SIDT1: variants seen among roughly 807,000 people sequenced by gnomAD.
The protein encoded by SIDT1 is SID1 transmembrane family, member 1.
A neutral mutation model predicts 107.5 loss-of-function variants in SIDT1; 101 were observed. That is an observed-to-expected ratio of 0.94 (90% CI 0.80 to 1.11). The LOEUF is 1.11. Ranked by LOEUF, SIDT1 falls within the 50% of genes least tolerant of loss-of-function variation. The probability of loss-of-function intolerance (pLI) is 0.00; values close to 1 mark genes in which losing one functional copy is unlikely to be tolerated. For synonymous variants in SIDT1, 395 were observed against 398.2 expected, an observed-to-expected ratio of 0.99 and a Z score of 0.10; for missense variants, 1,076 against 1,058.2, an observed-to-expected ratio of 1.02 and a Z score of -0.23.
chr3:113,630,146 T>A (rs1190100366), downstream of SIDT1, among the ~76,000 whole-genome samples: 1 of 152,054 alleles, frequency 6.6e-6, no homozygotes, highest in Non-Finnish European at 1.5e-5. Flanking sequence ...GAAAGCCGGG[T>A]TCAACAGGAG....
chr3:113,578,856 G>GA (rs200619941), intron 4 of SIDT1, among the ~76,000 whole-genome samples: 2,186 of 150,960 alleles, frequency 0.014, 51 homozygotes, highest in African/African-American at 0.05. Context: ...CCCTATCTCT[G>GA]AAAAAAAAAT....
intron 1 of SIDT1, among the ~76,000 whole-genome samples, chr3:113,539,871 G>A (rs1244569474): frequency 6.6e-6 from 1 of 152,096 alleles, no homozygotes; most frequent in Non-Finnish European, 1.5e-5. Flanking sequence ...GGATGTGGTG[G>A]CCCATGCCTG....
intron 9 of SIDT1, among the ~76,000 whole-genome samples, chr3:113,587,661 T>G (rs1429760787): frequency 6.6e-6 from 1 of 152,248 alleles, no homozygotes; most frequent in East Asian, 1.9e-4. Flanking sequence ...TTATCTCATC[T>G]GATGCCCCTC....
chr3:113,605,003 A>C, intron 14 of SIDT1, 27 bp downstream of exon 14: 3 of 1,612,872 alleles, frequency 1.9e-6, no homozygotes, highest in Non-Finnish European at 2.5e-6. Flanking sequence ...CCCCAGCCCC[A>C]GAGTCCCAGC....
At chr3:113,563,440 C>T (rs1219396769) in intron 1 of SIDT1, among the ~76,000 whole-genome samples, 1 of 152,176 alleles carries the variant, frequency 6.6e-6, no homozygotes, top group Non-Finnish European at 1.5e-5. Context: ...GACTATGACT[C>T]AAAATTCAGG....
intron 19 of SIDT1, 106 bp downstream of exon 19, chr3:113,612,300 C>T (rs912418087): frequency 2.5e-6 from 2 of 801,490 alleles, no homozygotes; most frequent in Non-Finnish European, 4.3e-6. Context: ...TCACCGTGAA[C>T]ACATGCTCTG....
At chr3:113,554,662 G>GTATT (rs1940647661) in intron 1 of SIDT1, among the ~76,000 whole-genome samples, 1 of 152,098 alleles carries the variant, frequency 6.6e-6, no homozygotes. Context: ...CCAGTCTTGG[G>GTATT]TATTTCTTCA....
chr3:113,591,626 C>T (rs1294092362), intron 9 of SIDT1, among the ~76,000 whole-genome samples: 2 of 152,170 alleles, frequency 1.3e-5, no homozygotes, highest in South Asian at 2.1e-4. Flanking sequence ...ACCCGGGAGG[C>T]GGAGCTTGCA....
chr3:113,590,526 A>AT (rs1023923402), intron 9 of SIDT1, among the ~76,000 whole-genome samples: 2 of 152,196 alleles, frequency 1.3e-5, no homozygotes, highest in South Asian at 2.1e-4. Context: ...CAATTCTGTG[A>AT]TTTTTTAGGA....
chr3:113,619,633 G>A (rs374004498), intron 20 of SIDT1, 47 bp from the exon 21 acceptor site: 3 of 1,532,566 alleles, frequency 2.0e-6, no homozygotes, highest in African/African-American at 1.4e-5. Flanking sequence ...TAAAAGAAAA[G>A]TAGGCTGTGC....
chr3:113,584,983 G>A (rs1377224553), intron 8 of SIDT1, among the ~76,000 whole-genome samples, 194 bp from the exon 9 acceptor site: 6 of 152,122 alleles, frequency 3.9e-5, no homozygotes, highest in Non-Finnish European at 8.8e-5. Context: ...GCTTCTACTG[G>A]GAAGTCATCA....
chr3:113,583,766 G>A (rs192580823), intron 7 of SIDT1, among the ~76,000 whole-genome samples: 3 of 152,238 alleles, frequency 2.0e-5, no homozygotes, highest in East Asian at 1.9e-4. Context: ...AAGTTCACTC[G>A]GTTGGCCCTT....
chr3:113,567,809 T>C, intron 3 of SIDT1, 99 bp downstream of exon 3: 2 of 1,242,958 alleles, frequency 1.6e-6, no homozygotes, highest in Non-Finnish European at 2.3e-6. Context: ...GGAAGGAAAT[T>C]ATCCACTTAG....
At chr3:113,611,842 G>T (rs1945768535) in intron 18 of SIDT1, among the ~76,000 whole-genome samples, 1 of 151,830 alleles carries the variant, frequency 6.6e-6, no homozygotes, top group Non-Finnish European at 1.5e-5. Context: ...TAGACCCGTT[G>T]CCCCTTCACC....
rs374904066 is a variant in SIDT1 at position 113,604,059 on chromosome 3, G to A, written c.1337+26G>A. On this transcript the variant is annotated intron_variant, in intron 13 of 24. Transcript: ENST00000264852. ...GTAAGTAGATGACCAGTAGGACCAT[G>A]GTTCCCTTAAATAAACATAGTTTTC... The A allele has an allele frequency of 7.5e-5, 111 of 1,480,388 alleles. No homozygotes were observed. In the African/African-American group the frequency reaches 1.1e-3, roughly 15 times the overall value. The allele number at this position is 1,480,388 out of a possible 1,614,324, so 91.7% of individuals were successfully genotyped here. A position where few individuals can be genotyped will look rare whatever the true frequency, so the allele number is the denominator to read the frequency against.
intron 1 of SIDT1, among the ~76,000 whole-genome samples, chr3:113,534,530 T>C (rs1232223775): frequency 6.6e-6 from 1 of 152,218 alleles, no homozygotes; most frequent in African/African-American, 2.4e-5. Flanking sequence ...AGCCATTTCA[T>C]GGTAGACAAG....
At position 113,629,050 on chromosome 3, in the gene SIDT1, G is replaced by C. The variant is rs1272123132; in HGVS notation, c.*1342G>C. 6.6e-6 allele frequency: 1 copy of C among 152,182 alleles called. No individual in the cohort carries two copies. Among genetic ancestry groups the C allele is most frequent in the South Asian group, 2.1e-4 (1 of 4,826 alleles). The allele number at this position is 152,182 out of a possible 1,614,324, so 9.4% of individuals were successfully genotyped here. On this transcript the variant is annotated 3_prime_UTR_variant, in exon 25 of 25. Coordinates refer to ENST00000264852, the MANE Select transcript of SIDT1 (RefSeq NM_017699.3). The stretch of plus-strand genomic sequence containing the variant: ...AAAATAGACGTATAAATGTGCACAT[G>C]CGTATGTATTTGCTTGTGAAATTAA...
intron 23 of SIDT1, among the ~76,000 whole-genome samples, chr3:113,624,150 C>T (rs1259228322): frequency 2.0e-5 from 3 of 152,182 alleles, no homozygotes; most frequent in Non-Finnish European, 4.4e-5. Flanking sequence ...ATCTGAGGCA[C>T]AGAACAGGAA....
intron 1 of SIDT1, among the ~76,000 whole-genome samples, chr3:113,555,909 G>A (rs925372474): frequency 1.3e-5 from 2 of 149,126 alleles, no homozygotes; most frequent in African/African-American, 5.0e-5. Flanking sequence ...CCACACACAG[G>A]AAACAGACAG....
Sources: gnomAD v4.1 joint callset for allele counts (sites outside exome capture counted in the v4.1 genomes callset) on GRCh38, gnomAD v4.1.1 for gene constraint, MANE v1.5 for transcripts, NCBI Gene and HGNC (gene_info 2026-07-23, HGNC 2026-07-21) for gene names.